The following CUL4A variants were observed in gnomAD, a reference collection of about 807,000 sequenced individuals.
CUL4A encodes cullin-4A.
A neutral mutation model predicts 95.5 loss-of-function variants in CUL4A; 16 were observed. The observed-to-expected ratio is 0.17, with a 90% CI of 0.11 to 0.25. CUL4A has a LOEUF of 0.25. Among genes scored for constraint, CUL4A ranks in the 10% least tolerant of loss-of-function variants. CUL4A has a pLI of 1.00. For missense variants in CUL4A, 610 were observed against 937.0 expected (o/e 0.65, Z 4.56); for synonymous variants, 380 against 353.1 (o/e 1.08, Z -0.85).
intron 18 of CUL4A, among the ~76,000 whole-genome samples, chr13:113,255,518 A>G (rs745501002): frequency 6.6e-5 from 10 of 152,192 alleles, no homozygotes; most frequent in Non-Finnish European, 1.2e-4. Flanking sequence ...AGGATCATAC[A>G]GGACAGTTTC....
intron 2 of CUL4A, among the ~76,000 whole-genome samples, chr13:113,213,098 T>C (rs2040511874): frequency 6.6e-6 from 1 of 151,884 alleles, no homozygotes; most frequent in Non-Finnish European, 1.5e-5. Context: ...TTCTTAACAG[T>C]ATTGAGAGTC....
intron 3 of CUL4A, among the ~76,000 whole-genome samples, chr13:113,224,318 A>C (rs1194293129): frequency 6.6e-6 from 1 of 151,770 alleles, no homozygotes; most frequent in African/African-American, 2.4e-5. Context: ...GCACCACTGC[A>C]CTCCAGCCTG....
At chr13:113,253,247 AT>A (rs746799895) in intron 16 of CUL4A, 52 bp downstream of exon 16, 57 of 976,986 alleles carry the variant, frequency 5.8e-5, no homozygotes, top group Middle Eastern at 3.3e-4. Context: ...TGTTAATATA[AT>A]TTTTTTATTG....
At chr13:113,228,228 ACC>A (rs902279809) in intron 4 of CUL4A, among the ~76,000 whole-genome samples, 183 bp downstream of exon 4, 7 of 152,074 alleles carry the variant, frequency 4.6e-5, no homozygotes, top group African/African-American at 1.7e-4. Flanking sequence ...GGCACCACTG[ACC>A]CTCTTGGCCT....
At chr13:113,238,177 T>G (rs569236559) in intron 9 of CUL4A, among the ~76,000 whole-genome samples, 1 of 152,276 alleles carries the variant, frequency 6.6e-6, no homozygotes, top group African/African-American at 2.4e-5. Context: ...GGCCCATACC[T>G]GTGACATCAG....
chr13:113,208,629 C>A (rs115957258), upstream of CUL4A: 3 of 1,607,940 alleles, frequency 1.9e-6, no homozygotes, highest in Non-Finnish European at 2.5e-6. Context: ...TGGTAATGTG[C>A]GCCATGGGAG....
intron 5 of CUL4A, among the ~76,000 whole-genome samples, chr13:113,231,500 G>A (rs1430541897): frequency 6.6e-6 from 1 of 152,154 alleles, no homozygotes; most frequent in Non-Finnish European, 1.5e-5. Flanking sequence ...TTTCAGCTGA[G>A]GTTGATGTTT....
At position 113,264,399 on chromosome 13, in the gene CUL4A, T is replaced by TA. The variant is rs2042363010; in HGVS notation, c.*820dup. 1 of 152,220 alleles carries TA rather than the reference T, an allele frequency of 6.6e-6. No individual in the cohort carries two copies. The highest frequency in any genetic ancestry group is 1.5e-5 in the Non-Finnish European group (1 of 68,042). The allele number at this position is 152,220 out of a possible 1,614,324, so 9.4% of individuals were successfully genotyped here. ...TGCAGTATTTGTGTGATTGCAATAATAAAGTTTGGTTTGGTTTTTACAGTC... is the reference window on the plus strand; with the variant it reads ...TGCAGTATTTGTGTGATTGCAATAATAAAAGTTTGGTTTGGTTTTTACAGTC... On this transcript the variant is annotated 3_prime_UTR_variant, in exon 20 of 20. Coordinates refer to ENST00000375440, the MANE Select transcript of CUL4A (RefSeq NM_001008895.4).
At chr13:113,229,310 A>G (rs1008831744) in intron 4 of CUL4A, 136 bp from the exon 5 acceptor site, 19 of 685,372 alleles carry the variant, frequency 2.8e-5, no homozygotes, top group Non-Finnish European at 4.5e-5. Flanking sequence ...TAGAAAAAAA[A>G]AATAAAACAT....
At chr13:113,231,605 G>C (rs2041312441) in intron 5 of CUL4A, among the ~76,000 whole-genome samples, 2 of 152,182 alleles carry the variant, frequency 1.3e-5, no homozygotes, top group Non-Finnish European at 2.9e-5. Flanking sequence ...TGCCCCAAGG[G>C]CTTCAGAGGC....
intron 2 of CUL4A, among the ~76,000 whole-genome samples, chr13:113,216,036 A>G (rs888137198): frequency 7.2e-6 from 1 of 139,532 alleles, no homozygotes; most frequent in Non-Finnish European, 1.5e-5. Flanking sequence ...GTGTGTGACT[A>G]TGGAGGTCTC....
chr13:113,258,703 A>T (rs2139300643), intron 18 of CUL4A, among the ~76,000 whole-genome samples: 1 of 152,338 alleles, frequency 6.6e-6, no homozygotes. Flanking sequence ...GCAGAGGATC[A>T]CACACATTGA....
At chr13:113,249,487 G>T (rs551945740) in intron 15 of CUL4A, among the ~76,000 whole-genome samples, 1 of 152,310 alleles carries the variant, frequency 6.6e-6, no homozygotes, top group Admixed American at 6.5e-5. Context: ...GTCACATCTG[G>T]TTTCTCCATT....
chr13:113,223,983 G>A (rs1212586031), intron 3 of CUL4A, among the ~76,000 whole-genome samples: 1 of 152,180 alleles, frequency 6.6e-6, no homozygotes, highest in Non-Finnish European at 1.5e-5. Flanking sequence ...ACAGGCAGCT[G>A]CTGCAGAACC....
upstream of CUL4A, chr13:113,208,221 C>T (rs2040077427): frequency 1.6e-5 from 25 of 1,516,398 alleles, no homozygotes; most frequent in Non-Finnish European, 2.1e-5. Flanking sequence ...TGGGAAACAG[C>T]GTCCATCCGA....
intron 16 of CUL4A, 95 bp from the exon 17 acceptor site, chr13:113,254,598 A>C: frequency 1.1e-6 from 1 of 878,640 alleles, no homozygotes; most frequent in Admixed American, 2.6e-5. Context: ...CCTTCTCAAA[A>C]AAAAAAAAGT....
chr13:113,208,251 G>A, upstream of CUL4A: 3 of 1,439,818 alleles, frequency 2.1e-6, no homozygotes, highest in Non-Finnish European at 1.8e-6. Flanking sequence ...GCCCACAGCG[G>A]GCCCTCGGCG....
intron 15 of CUL4A, among the ~76,000 whole-genome samples, chr13:113,248,424 G>A (rs563560896): frequency 1.3e-5 from 2 of 152,244 alleles, no homozygotes; most frequent in African/African-American, 4.8e-5. Context: ...TGTGGTCTGT[G>A]AGCCACCCTT....
In CUL4A at chr13:113,265,990, T is replaced by C. The variant is rs977631559; in HGVS notation, c.*2408T>C. 1 of 152,192 alleles carries C rather than the reference T, an allele frequency of 6.6e-6. No homozygotes were observed. The highest frequency in any genetic ancestry group is 1.5e-5 in the Non-Finnish European group (1 of 68,030). The allele number at this position is 152,192 out of a possible 1,614,324, so 9.4% of individuals were successfully genotyped here. On this transcript the variant is annotated 3_prime_UTR_variant, in exon 20 of 20. Coordinates refer to ENST00000375440, the MANE Select transcript of CUL4A (RefSeq NM_001008895.4). ...TTAACAAAAACATCAGTAGCTTTCC[T>C]ATAAATATAGGCTATAATGGAGGGT... is the stretch of plus-strand genomic sequence containing the variant.
Sources: allele counts gnomAD v4.1 joint callset (sites outside exome capture counted in the v4.1 genomes callset), GRCh38; gene constraint gnomAD v4.1.1; transcripts MANE v1.5; gene names NCBI Gene and HGNC (gene_info 2026-07-23, HGNC 2026-07-21).